Variants in BET1 observed in about 807,000 individuals in gnomAD.
The protein encoded by BET1 is BET1 homolog.
Under a neutral mutation model 13.9 loss-of-function variants are expected in BET1, and 9 were observed. That is an observed-to-expected ratio of 0.65 (90% CI 0.39 to 1.13). The LOEUF (loss-of-function observed/expected upper bound fraction) is 1.13. Ranked by LOEUF, BET1 falls within the 50% of genes most tolerant of loss-of-function variation. BET1 has a pLI of 0.01. For synonymous variants in BET1, 39 were observed against 47.3 expected, an observed-to-expected ratio of 0.82 and a Z score of 0.72; for missense variants, 127 against 133.6, an observed-to-expected ratio of 0.95 and a Z score of 0.24.
At chr7:93,988,855 TATATTAAA>T (rs1207503239), downstream of BET1, among the ~76,000 whole-genome samples, 1 of 151,092 alleles carries the variant, frequency 6.6e-6, no homozygotes, top group Non-Finnish European at 1.5e-5. Flanking sequence ...ACATTTCACT[TATATTAAA>T]ACTTATTCCA....
chr7:93,990,648 T>C (rs1795615344), downstream of BET1, among the ~76,000 whole-genome samples: 1 of 152,116 alleles, frequency 6.6e-6, no homozygotes, highest in Admixed American at 6.6e-5. Flanking sequence ...TTATAACCCA[T>C]GTTGAAATTA....
chr7:93,987,565 G>T (rs1178808338), intron 4 of BET1, among the ~76,000 whole-genome samples: 1 of 151,806 alleles, frequency 6.6e-6, no homozygotes, highest in African/African-American at 2.4e-5. Flanking sequence ...TCTACAACTG[G>T]GTTTCCGTAT....
At chr7:93,994,448 C>T in intron 3 of BET1, 63 bp from the exon 4 acceptor site, 1 of 1,461,028 alleles carries the variant, frequency 6.8e-7, no homozygotes, top group South Asian at 1.3e-5. Context: ...ATATGCATAT[C>T]CAAGTAATTG....
chr7:93,972,389 C>A (rs962039763), intron 6 of BET1: 1 of 151,844 alleles, frequency 6.6e-6, no homozygotes, highest in Non-Finnish European at 1.5e-5. Context: ...CATCTTGACA[C>A]AAATTTTTTA....
chr7:93,968,769 A>T (rs1394935597), intron 6 of BET1, among the ~76,000 whole-genome samples: 1 of 151,862 alleles, frequency 6.6e-6, no homozygotes, highest in Non-Finnish European at 1.5e-5. Context: ...GAGAACTTAT[A>T]TAAAGTTCAG....
At chr7:94,003,335 G>C (rs1267495323) in intron 1 of BET1, among the ~76,000 whole-genome samples, 2 of 151,202 alleles carry the variant, frequency 1.3e-5, no homozygotes, top group African/African-American at 2.4e-5. Context: ...TTAAATATCT[G>C]ACACTTTGGG....
intron 2 of BET1, among the ~76,000 whole-genome samples, chr7:93,997,538 C>T (rs1186125517): frequency 6.6e-6 from 1 of 152,132 alleles, no homozygotes; most frequent in Non-Finnish European, 1.5e-5. Context: ...TTACTTAGTT[C>T]ATAAATCAAC....
At chr7:93,999,421 C>A in intron 1 of BET1, 127 bp from the exon 2 acceptor site, 3 of 1,160,660 alleles carry the variant, frequency 2.6e-6, no homozygotes, top group Non-Finnish European at 3.5e-6. Context: ...TATTCATACT[C>A]CAAATGAATT....
At chr7:93,999,365 C>A in intron 1 of BET1, 71 bp from the exon 2 acceptor site, 2 of 1,529,572 alleles carry the variant, frequency 1.3e-6, no homozygotes, top group Non-Finnish European at 8.7e-7. Flanking sequence ...TAGGAAAGAA[C>A]TGAAAAAGAC....
chr7:94,004,054 C>T lies in BET1; in HGVS notation c.19+144G>A, dbSNP rs953844072. The T allele has an allele frequency of 5.0e-6, 6 of 1,209,010 alleles. No individual in the cohort carries two copies. In the African/African-American group the frequency reaches 7.6e-5, roughly 15 times the overall value. The allele number at this position is 1,209,010 out of a possible 1,614,324, so 74.9% of individuals were successfully genotyped here. On this transcript the variant is annotated intron_variant, in intron 1 of 3. Coordinates refer to ENST00000222547, the MANE Select transcript of BET1 (RefSeq NM_005868.6). ...ATCTGGGACAAATGGTGTGTTTCCA[C>T]TCGACATGGACCCCAAAGATCCCCT...
Position 93,999,189 on chromosome 7 carries a change from T to G in BET1, c.125A>C (p.Lys42Thr), listed in dbSNP as rs1387708106. ...ACTTACAGATTTTATAGCAGTTACT[T>G]TGCTTCTCAGACTTTCAGTGAGCCT... ...NERLTESLRS[K>T]VTAIKSLSIE... is the part of the protein sequence containing the mutation. The change falls in exon 2 of 4, where the codon AAA (lysine) becomes ACA (threonine). Residue 42 changes from lysine (K) to threonine (T), a missense_variant. Transcript: ENST00000222547. 1.2e-6 allele frequency: 2 copies of G among 1,612,672 alleles called. No homozygotes were observed. Among genetic ancestry groups the G allele is most frequent in the Non-Finnish European group, 1.7e-6 (2 of 1,179,116 alleles).
intron 2 of BET1, 82 bp from the exon 3 acceptor site, chr7:93,996,403 A>T (rs1290891386): frequency 9.9e-7 from 1 of 1,013,410 alleles, no homozygotes; most frequent in Non-Finnish European, 1.4e-6. Flanking sequence ...CATTCTAAGC[A>T]TACACATTTT....
chr7:93,988,726 G>T (rs1302903763), downstream of BET1, among the ~76,000 whole-genome samples: 1 of 151,858 alleles, frequency 6.6e-6, no homozygotes, highest in Admixed American at 6.6e-5. Flanking sequence ...CCCTTAGAAG[G>T]TCTACATCCT....
chr7:93,991,743 C>A, downstream of BET1: 1 of 922,090 alleles, frequency 1.1e-6, no homozygotes, highest in Non-Finnish European at 1.3e-6. Flanking sequence ...AACTTCATAG[C>A]CTTTGGTCTT....
rs773748027 is a variant in BET1 at position 93,999,178 on chromosome 7, T to C, written c.136A>G (p.Ile46Val). 1.4e-5 allele frequency: 23 copies of C among 1,610,938 alleles called. No individual in the cohort carries two copies. In the East Asian group the frequency reaches 3.1e-4, roughly 22 times the overall value. ...ATTTGTTATATACTTACAGATTTTA[T>C]AGCAGTTACTTTGCTTCTCAGACTT... ...TESLRSKVTAIKSLSIEIGHE... is the reference protein window; with the variant it reads ...TESLRSKVTAVKSLSIEIGHE... The change falls in exon 2 of 4, where the codon ATA (isoleucine) becomes GTA (valine). Residue 46 changes from isoleucine to valine, a missense_variant. Ile to Val is a conservative substitution (Grantham distance 29, BLOSUM62 3). Transcript: ENST00000222547.
chr7:93,981,788 C>T (rs1329972351), intron 4 of BET1, among the ~76,000 whole-genome samples: 1 of 152,156 alleles, frequency 6.6e-6, no homozygotes, highest in Non-Finnish European at 1.5e-5. Flanking sequence ...TTCTCTTGGT[C>T]CAATCTGGTG....
chr7:94,001,331 T>C (rs957029368), intron 1 of BET1, among the ~76,000 whole-genome samples: 45 of 152,188 alleles, frequency 3.0e-4, no homozygotes, highest in Non-Finnish European at 1.2e-4. Flanking sequence ...TTCACTGTTA[T>C]TGAACTTTGA....
intron 4 of BET1, among the ~76,000 whole-genome samples, chr7:93,985,260 G>C (rs1259169859): frequency 6.6e-6 from 1 of 152,140 alleles, no homozygotes; most frequent in African/African-American, 2.4e-5. Flanking sequence ...CAAAAACAAT[G>C]CTGTGTGTGA....
In BET1 at chr7:93,993,656, T is replaced by A; in HGVS notation, c.*574A>T. 1 of 1,302,582 alleles carries A rather than the reference T, an allele frequency of 7.7e-7. No homozygotes were observed. Among genetic ancestry groups the A allele is most frequent in the Non-Finnish European group, 9.7e-7 (1 of 1,030,448 alleles). The allele number at this position is 1,302,582 out of a possible 1,614,324, so 80.7% of individuals were successfully genotyped here. On this transcript the variant is annotated 3_prime_UTR_variant, in exon 4 of 4. Transcript: ENST00000222547. Reference sequence around the variant, plus strand: ...AAAATAACAAGTTTTATTTAAAGAATGAGGTCTTTGGGCAGAAAGAAATGA... The same window carrying A: ...AAAATAACAAGTTTTATTTAAAGAAAGAGGTCTTTGGGCAGAAAGAAATGA...
Sources: allele counts gnomAD v4.1 joint callset (sites outside exome capture counted in the v4.1 genomes callset), GRCh38; gene constraint gnomAD v4.1.1; transcripts MANE v1.5; gene names NCBI Gene and HGNC (gene_info 2026-07-23, HGNC 2026-07-21).